TMCO5A: variants seen among roughly 807,000 people sequenced by gnomAD.
The protein encoded by TMCO5A is transmembrane and coiled-coil domains 5A, also known as transmembrane and coiled-coil domain-containing protein 5A.
Under a neutral mutation model 42.3 loss-of-function variants are expected in TMCO5A, and 34 were observed. That is an observed-to-expected ratio of 0.80 (90% CI 0.61 to 1.07). TMCO5A has a LOEUF of 1.07. TMCO5A is among the 50% of genes least tolerant of loss of function. TMCO5A has a pLI of 0.00. For synonymous variants in TMCO5A, 131 were observed against 115.6 expected, an observed-to-expected ratio of 1.13 and a Z score of -0.86; for missense variants, 357 against 327.9, an observed-to-expected ratio of 1.09 and a Z score of -0.69.
intron 11 of TMCO5A, among the ~76,000 whole-genome samples, chr15:37,949,891 C>T (rs1044676576): frequency 3.3e-5 from 5 of 152,016 alleles, no homozygotes; most frequent in Non-Finnish European, 5.9e-5. Flanking sequence ...GGATGTTGAC[C>T]AAAATTGCAG....
the TMCO5A span, among the ~76,000 whole-genome samples, chr15:37,997,571 A>G: frequency 2.0e-5 from 3 of 152,160 alleles, no homozygotes; most frequent in African/African-American, 7.2e-5. Flanking sequence ...ATAGTACTCC[A>G]TAGTATGTAT....
intron 4 of TMCO5A, among the ~76,000 whole-genome samples, 180 bp downstream of exon 4, chr15:37,937,150 CA>C (rs1374975596): frequency 6.6e-6 from 1 of 152,130 alleles, no homozygotes; most frequent in African/African-American, 2.4e-5. Context: ...AATGTTTAAT[CA>C]TTGGGAAGCC....
chr15:38,003,099 G>A, the TMCO5A span, among the ~76,000 whole-genome samples: 2 of 152,188 alleles, frequency 1.3e-5, no homozygotes, highest in Non-Finnish European at 2.9e-5. Context: ...TAAGCCCAGT[G>A]ATGCTGTGGC....
downstream of TMCO5A, among the ~76,000 whole-genome samples, chr15:37,971,951 C>T (rs1033601637): frequency 4.6e-5 from 7 of 152,188 alleles, no homozygotes; most frequent in Non-Finnish European, 8.8e-5. Flanking sequence ...TCTGTGCCCT[C>T]CAAACTGTTC....
At chr15:37,990,095 T>G in the TMCO5A span, among the ~76,000 whole-genome samples, 25 of 152,134 alleles carry the variant, frequency 1.6e-4, no homozygotes, top group African/African-American at 5.3e-4. Flanking sequence ...AGAATGTTAA[T>G]TCTGCTGTTG....
chr15:38,023,980 C>T, the TMCO5A span, among the ~76,000 whole-genome samples: 1 of 152,184 alleles, frequency 6.6e-6, no homozygotes, highest in East Asian at 1.9e-4. Context: ...CATTTTCAGA[C>T]ATTAGGACAT....
chr15:38,040,410 C>T, the TMCO5A span: 3 of 152,154 alleles, frequency 2.0e-5, no homozygotes, highest in East Asian at 3.9e-4. Flanking sequence ...TGCAGGCAAA[C>T]GGAGTCGCCA....
At chr15:38,026,902 G>A in the TMCO5A span, among the ~76,000 whole-genome samples, 16 of 152,358 alleles carry the variant, frequency 1.1e-4, no homozygotes, top group African/African-American at 3.8e-4. Flanking sequence ...TGAGCCTACA[G>A]GTGCACAGAA....
In TMCO5A at chr15:37,938,249, C is replaced by G. The variant is rs376667315; in HGVS notation, c.387+20C>G. Reference sequence around the variant, plus strand: ...ACAAAGGTAAATGAAAAAAACAATCCTAAATGTGGTTGGGCTATGTAACCA... The same window carrying G: ...ACAAAGGTAAATGAAAAAAACAATCGTAAATGTGGTTGGGCTATGTAACCA... On this transcript the variant is annotated intron_variant, in intron 6 of 11. Transcript: ENST00000319669. 15 of 1,550,092 alleles carry G rather than the reference C, an allele frequency of 9.7e-6. No individual in the cohort carries two copies. Among genetic ancestry groups the G allele is most frequent in the Non-Finnish European group, 1.2e-5 (14 of 1,143,950 alleles).
chr15:37,948,330 G>A (rs775507305), intron 11 of TMCO5A, among the ~76,000 whole-genome samples: 1 of 151,950 alleles, frequency 6.6e-6, no homozygotes, highest in African/African-American at 2.4e-5. Flanking sequence ...TGTTTAAGAA[G>A]GCATAAAGAA....
At chr15:37,950,868 G>C (rs1890131147) in intron 11 of TMCO5A, among the ~76,000 whole-genome samples, 168 bp from the exon 12 acceptor site, 1 of 152,044 alleles carries the variant, frequency 6.6e-6, no homozygotes. Flanking sequence ...ATAACCAATA[G>C]GACAGAATAT....
At chr15:37,982,108 C>T in the TMCO5A span, among the ~76,000 whole-genome samples, 6 of 152,272 alleles carry the variant, frequency 3.9e-5, no homozygotes, top group South Asian at 1.2e-3. Flanking sequence ...GCAAACTTGT[C>T]CCATTTTTCA....
the TMCO5A span, among the ~76,000 whole-genome samples, chr15:38,011,045 C>T: frequency 6.6e-6 from 1 of 152,206 alleles, no homozygotes; most frequent in African/African-American, 2.4e-5. Flanking sequence ...CTGCACCCAG[C>T]ATCTTTTATG....
chr15:37,941,237 C>A (rs1315337844), intron 7 of TMCO5A, 32 bp downstream of exon 7: 3 of 1,601,066 alleles, frequency 1.9e-6, no homozygotes, highest in Non-Finnish European at 2.6e-6. Flanking sequence ...TGACTTCTCC[C>A]CAAAAAGGGA....
chr15:37,936,788 T>A, intron 3 of TMCO5A, 59 bp from the exon 4 acceptor site: 1 of 1,601,958 alleles, frequency 6.2e-7, no homozygotes, highest in Non-Finnish European at 8.5e-7. Flanking sequence ...AAATCTGTGT[T>A]TTATCAGTTC....
At chr15:37,957,176 G>A (rs1025898657) in intron 11 of TMCO5A, among the ~76,000 whole-genome samples, 12 of 152,018 alleles carry the variant, frequency 7.9e-5, no homozygotes, top group African/African-American at 2.2e-4. Flanking sequence ...TTTGAATACC[G>A]GCACAAGACA....
At chr15:37,935,826 G>C (rs1372302316) in intron 2 of TMCO5A, among the ~76,000 whole-genome samples, 1 of 152,092 alleles carries the variant, frequency 6.6e-6, no homozygotes, top group African/African-American at 2.4e-5. Flanking sequence ...TGTTGAGGTG[G>C]GAGAAGGAAG....
the TMCO5A span, among the ~76,000 whole-genome samples, chr15:37,977,249 G>A: frequency 1.9e-4 from 29 of 152,292 alleles, no homozygotes; most frequent in East Asian, 5.4e-3. Flanking sequence ...AAGAACCATT[G>A]TTGGGGAACT....
chr15:37,975,715 TG>T, the TMCO5A span, among the ~76,000 whole-genome samples: 2 of 151,110 alleles, frequency 1.3e-5, no homozygotes, highest in Non-Finnish European at 2.9e-5. Context: ...GCCTTTTAAT[TG>T]GGGCATTTAG....
Sources: allele counts gnomAD v4.1 joint callset (sites outside exome capture counted in the v4.1 genomes callset), GRCh38; gene constraint gnomAD v4.1.1; transcripts MANE v1.5; gene names NCBI Gene and HGNC (gene_info 2026-07-23, HGNC 2026-07-21).